MAN1C1: variants seen among roughly 807,000 people sequenced by gnomAD.
The protein encoded by MAN1C1 is mannosidase alpha class 1C member 1.
A neutral mutation model predicts 71.5 loss-of-function variants in MAN1C1; 49 were observed. That is an observed-to-expected ratio of 0.69 (90% CI 0.54 to 0.87). The LOEUF (loss-of-function observed/expected upper bound fraction) is 0.87. Among genes scored for constraint, MAN1C1 ranks in the 40% least tolerant of loss-of-function variants. The pLI, the probability that MAN1C1 is intolerant of heterozygous loss-of-function variation, is 0.00. For missense variants in MAN1C1, 743 were observed against 835.0 expected (o/e 0.89, Z 1.36); for synonymous variants, 352 against 343.7 (o/e 1.02, Z -0.27).
intron 2 of MAN1C1, among the ~76,000 whole-genome samples, chr1:25,696,568 C>G (rs2046372404): frequency 6.6e-6 from 1 of 152,204 alleles, no homozygotes; most frequent in South Asian, 2.1e-4. Flanking sequence ...GCATTTCCAT[C>G]ACCCTAAAAG....
chr1:25,644,527 T>A (rs1263506383), intron 1 of MAN1C1: 2 of 120,852 alleles, frequency 1.7e-5, no homozygotes, highest in African/African-American at 3.7e-5. Context: ...TATTTTTTTT[T>A]TTTTTTTTTT....
At chr1:25,734,703 G>C (rs1027930322) in intron 2 of MAN1C1, among the ~76,000 whole-genome samples, 25 of 152,130 alleles carry the variant, frequency 1.6e-4, no homozygotes, top group African/African-American at 6.0e-4. Context: ...GTGCAGGGAG[G>C]GTGTCCAATC....
chr1:25,629,402 T>C (rs1474907670), intron 1 of MAN1C1, among the ~76,000 whole-genome samples: 1 of 152,220 alleles, frequency 6.6e-6, no homozygotes, highest in Non-Finnish European at 1.5e-5. Flanking sequence ...TGTATCTTTT[T>C]TGAGAAATGT....
At chr1:25,672,911 A>C (rs573107995) in intron 1 of MAN1C1, among the ~76,000 whole-genome samples, 3 of 152,174 alleles carry the variant, frequency 2.0e-5, no homozygotes, top group African/African-American at 7.2e-5. Context: ...AGGCTCTTAC[A>C]CAGAGGAATG....
At chr1:25,731,150 G>A (rs926390866) in intron 2 of MAN1C1, among the ~76,000 whole-genome samples, 1 of 152,154 alleles carries the variant, frequency 6.6e-6, no homozygotes, top group South Asian at 2.1e-4. Flanking sequence ...AACCCCGTCT[G>A]TACAAAAAAA....
At chr1:25,761,097 A>AT (rs2047353604) in intron 6 of MAN1C1, 1 of 152,212 alleles carries the variant, frequency 6.6e-6, no homozygotes, top group South Asian at 2.1e-4. Flanking sequence ...CCTCTCTGAG[A>AT]TTCAGGTTTC....
intron 2 of MAN1C1, among the ~76,000 whole-genome samples, chr1:25,700,003 G>C (rs1489739427): frequency 6.6e-6 from 1 of 152,220 alleles, no homozygotes; most frequent in African/African-American, 2.4e-5. Context: ...ATTCTGAAAA[G>C]AGAGCCCGGA....
At chr1:25,734,787 C>T (rs2046959060) in intron 2 of MAN1C1, among the ~76,000 whole-genome samples, 1 of 152,192 alleles carries the variant, frequency 6.6e-6, no homozygotes, top group Non-Finnish European at 1.5e-5. Flanking sequence ...AGGCTTAGAT[C>T]TAGCCATGAA....
chr1:25,747,557 G>T (rs2047147493), intron 3 of MAN1C1, among the ~76,000 whole-genome samples: 1 of 152,200 alleles, frequency 6.6e-6, no homozygotes, highest in South Asian at 2.1e-4. Context: ...GGGAGTGCCA[G>T]GTCCTGCTGC....
At chr1:25,619,502 C>A (rs1017268720) in intron 1 of MAN1C1, among the ~76,000 whole-genome samples, 3 of 152,192 alleles carry the variant, frequency 2.0e-5, no homozygotes, top group African/African-American at 7.2e-5. Context: ...TTGTCTGAAC[C>A]ATCCTCCCTT....
In MAN1C1 at chr1:25,776,214, A is replaced by G. The variant is rs1277434149; in HGVS notation, c.1258-1891A>G. On this transcript the variant is annotated intron_variant, in intron 8 of 11. Transcript: ENST00000374332. The surrounding 1 kb of genome is among the most constrained non-coding windows in gnomAD (Gnocchi z 4.3). ...TCCCCGCATACCCCTGCATTTTTTA[A>G]TCTCATCCTCTCACTTTGTTTTATT... Among the ~76,000 whole-genome samples, 1 of 152,042 alleles carries G rather than the reference A, an allele frequency of 6.6e-6. No individual in the cohort carries two copies. Among genetic ancestry groups the G allele is most frequent in the Non-Finnish European group, 1.5e-5 (1 of 67,996 alleles).
At chr1:25,666,842 G>T (rs949585866) in intron 1 of MAN1C1, among the ~76,000 whole-genome samples, 1 of 152,230 alleles carries the variant, frequency 6.6e-6, no homozygotes, top group Non-Finnish European at 1.5e-5. Flanking sequence ...CCATAGTTGT[G>T]CCTCAAAAGC....
chr1:25,686,639 C>T, intron 2 of MAN1C1, 103 bp downstream of exon 2: 1 of 888,182 alleles, frequency 1.1e-6, no homozygotes. Flanking sequence ...GCTGTGGGGG[C>T]TCCACAGTTC....
intron 2 of MAN1C1, among the ~76,000 whole-genome samples, chr1:25,743,587 A>G (rs2047089412): frequency 6.6e-6 from 1 of 152,194 alleles, no homozygotes; most frequent in Non-Finnish European, 1.5e-5. Flanking sequence ...GAGACCAACC[A>G]AGAGAAGGAT....
chr1:25,747,501 C>T (rs1363937667), intron 3 of MAN1C1, among the ~76,000 whole-genome samples: 3 of 152,168 alleles, frequency 2.0e-5, no homozygotes, highest in South Asian at 2.1e-4. Flanking sequence ...CAGTGGAGAC[C>T]GGGAGGGGCC....
At chr1:25,740,999 G>A (rs1364891694) in intron 2 of MAN1C1, among the ~76,000 whole-genome samples, 6 of 152,024 alleles carry the variant, frequency 3.9e-5, no homozygotes, top group Non-Finnish European at 7.4e-5. Flanking sequence ...AGGGTTGGGG[G>A]CCACAGCTCT....
chr1:25,660,015 G>T (rs1310063453), intron 1 of MAN1C1, among the ~76,000 whole-genome samples: 2 of 152,144 alleles, frequency 1.3e-5, no homozygotes, highest in African/African-American at 2.4e-5. Context: ...ACAGAAATTG[G>T]CAAACACTAT....
At chr1:25,652,469 G>A (rs762264169) in intron 1 of MAN1C1, among the ~76,000 whole-genome samples, 9 of 152,240 alleles carry the variant, frequency 5.9e-5, no homozygotes, top group Non-Finnish European at 1.3e-4. Context: ...CCACCCCACA[G>A]GCTGGAGGCC....
intron 1 of MAN1C1, among the ~76,000 whole-genome samples, chr1:25,622,918 G>A (rs1424098121): frequency 6.6e-6 from 1 of 152,198 alleles, no homozygotes; most frequent in African/African-American, 2.4e-5. Flanking sequence ...GGGACAGGTA[G>A]GAAAATTAAA....
Sources: allele counts gnomAD v4.1 joint callset (sites outside exome capture counted in the v4.1 genomes callset), GRCh38; gene constraint gnomAD v4.1.1; non-coding constraint Gnocchi (gnomAD v3.1); transcripts MANE v1.5; gene names NCBI Gene and HGNC (gene_info 2026-07-23, HGNC 2026-07-21).